Variants in OR7G2 observed in about 807,000 individuals in gnomAD.
OR7G2 encodes the protein olfactory receptor 7G2.
For synonymous variants in OR7G2, 153 were observed against 152.2 expected, an observed-to-expected ratio of 1.01 and a Z score of -0.04; for missense variants, 362 against 384.0, an observed-to-expected ratio of 0.94 and a Z score of 0.48.
In OR7G2 at chr19:9,102,057, G is replaced by A; in HGVS notation, c.*212C>T. The A allele has an allele frequency of 2.1e-6, 1 of 478,548 alleles. No homozygotes were observed. The highest frequency in any genetic ancestry group is 3.7e-6 in the Non-Finnish European group (1 of 273,512). The allele number at this position is 478,548 out of a possible 1,614,324, so 29.6% of individuals were successfully genotyped here. A position where few individuals can be genotyped will look rare whatever the true frequency, so the allele number is the denominator to read the frequency against. ...ATCTCTACTAAAAATACAAAAATTA[G>A]CCAGGCATGGTGGCAGGCGCCTGTA... On this transcript the variant is annotated 3_prime_UTR_variant, in exon 2 of 2. Coordinates refer to ENST00000641081, the MANE Select transcript of OR7G2 (RefSeq NM_001005193.2).
intron 1 of OR7G2, among the ~76,000 whole-genome samples, chr19:9,105,818 G>T (rs1158155464): frequency 6.6e-6 from 1 of 150,916 alleles, no homozygotes; most frequent in Non-Finnish European, 1.5e-5. Context: ...TTGCACTCCA[G>T]CCTGGGTGAC....
intron 1 of OR7G2, among the ~76,000 whole-genome samples, chr19:9,105,751 G>C (rs1447796428): frequency 6.6e-6 from 1 of 152,018 alleles, no homozygotes; most frequent in African/African-American, 2.4e-5. Flanking sequence ...GGAGGCTGAG[G>C]CAGGAGAATC....
At chr19:9,105,046 C>T (rs2050378475) in intron 1 of OR7G2, among the ~76,000 whole-genome samples, 1 of 151,798 alleles carries the variant, frequency 6.6e-6, no homozygotes, top group Non-Finnish European at 1.5e-5. Context: ...TCTCGGCTCC[C>T]TGCAACCTCC....
chr19:9,102,531 A>G lies in OR7G2; in HGVS notation c.713T>C (p.Val238Ala), dbSNP rs1435045182. The G allele has an allele frequency of 1.2e-6, 2 of 1,614,078 alleles. No homozygotes were observed. The highest frequency in any genetic ancestry group is 2.7e-5 in the African/African-American group (2 of 74,934). Residue 238 changes from valine (V) to alanine (A), a missense_variant, in exon 2 of 2, where the codon GTT becomes GCT. Coordinates refer to ENST00000641081, the MANE Select transcript of OR7G2 (RefSeq NM_001005193.2). Reference protein sequence around the residue: ...MPSASGKHKAVSTCGSHLSIV... With the variant: ...MPSASGKHKAASTCGSHLSIV... ...GGAGAGGTGAGACCCACAGGTGGAA[A>G]CTGCTTTGTGCTTTCCACTTGCTGA...
intron 1 of OR7G2, among the ~76,000 whole-genome samples, chr19:9,106,808 G>A (rs760935959): frequency 6.6e-6 from 1 of 150,762 alleles, no homozygotes; most frequent in Non-Finnish European, 1.5e-5. Context: ...CCCTTCCCTA[G>A]GGGAACCAGT....
chr19:9,105,242 A>G (rs1453279308), intron 1 of OR7G2, among the ~76,000 whole-genome samples: 2 of 152,082 alleles, frequency 1.3e-5, no homozygotes, highest in Non-Finnish European at 2.9e-5. Context: ...TGCTGGGATT[A>G]CAGGTGTGAG....
chr19:9,106,848 T>A (rs139185393), intron 1 of OR7G2, among the ~76,000 whole-genome samples: 60 of 152,174 alleles, frequency 3.9e-4, no homozygotes, highest in African/African-American at 1.4e-3. Flanking sequence ...TATTCTTCTA[T>A]ACCTTTCATT....
At position 9,101,256 on chromosome 19, in the gene OR7G2, T is replaced by G. The variant is rs2050352297; in HGVS notation, c.*1013A>C. On this transcript the variant is annotated 3_prime_UTR_variant, in exon 2 of 2. Coordinates refer to ENST00000641081, the MANE Select transcript of OR7G2 (RefSeq NM_001005193.2). ...TTGCAGTTAGCCGAGATTGCGCCATTGCACTCCAGCCTGGTGGACAGAGCA... is the reference window on the plus strand; with the variant it reads ...TTGCAGTTAGCCGAGATTGCGCCATGGCACTCCAGCCTGGTGGACAGAGCA... 6.6e-6 allele frequency: 1 copy of G among 152,114 alleles called. No individual in the cohort carries two copies. The highest frequency in any genetic ancestry group is 1.5e-5 in the Non-Finnish European group (1 of 68,096). 9.4% of individuals were successfully genotyped at this position (152,114 alleles called of 1,614,324 possible). A position where few individuals can be genotyped will look rare whatever the true frequency, so the allele number is the denominator to read the frequency against.
At position 9,102,945 on chromosome 19, in the gene OR7G2, T is replaced by C. The variant is rs142283806; in HGVS notation, c.299A>G (p.Gln100Arg). 1.3e-4 allele frequency: 204 copies of C among 1,614,170 alleles called. 2 individuals carry two copies. In the African/African-American group the frequency reaches 2.4e-3, roughly 19 times the overall value. Residue 100 changes from glutamine to arginine, a missense_variant, in exon 2 of 2, where the codon CAG (glutamine) becomes CGG (arginine). Coordinates refer to ENST00000641081, the MANE Select transcript of OR7G2 (RefSeq NM_001005193.2). ...AGCAAAAAACAAGACAAAGCAGATCTGGGTGAGGCAGCCTGAGTACGTGAT... is the reference window on the plus strand; with the variant it reads ...AGCAAAAAACAAGACAAAGCAGATCCGGGTGAGGCAGCCTGAGTACGTGAT... ...RSITYSGCLTQICFVLFFAGL... is the reference protein window; with the variant it reads ...RSITYSGCLTRICFVLFFAGL...
chr19:9,105,765 T>C (rs944660421), intron 1 of OR7G2, among the ~76,000 whole-genome samples: 1 of 151,908 alleles, frequency 6.6e-6, no homozygotes, highest in South Asian at 2.1e-4. Context: ...GAGAATCTCT[T>C]GAACCCAGGA....
At chr19:9,103,961 C>T (rs1347135017) in intron 1 of OR7G2, among the ~76,000 whole-genome samples, 2 of 151,142 alleles carry the variant, frequency 1.3e-5, no homozygotes, top group Non-Finnish European at 2.9e-5. Context: ...GCTCCACCTC[C>T]CAGGTTCAAG....
Position 9,100,759 on chromosome 19 carries a change from T to C in OR7G2, c.*1510A>G, listed in dbSNP as rs116797524. 1 of 152,192 alleles carries C rather than the reference T, an allele frequency of 6.6e-6. No homozygotes were observed. Among genetic ancestry groups the C allele is most frequent in the African/African-American group, 2.4e-5 (1 of 41,536 alleles). 9.4% of individuals were successfully genotyped at this position (152,192 alleles called of 1,614,324 possible). Reference sequence around the variant, plus strand: ...AAAACTTAGCTCCCTTGACCCACTGTAGGTCTACACTGGGGTGCAATTGAC... The same window carrying C: ...AAAACTTAGCTCCCTTGACCCACTGCAGGTCTACACTGGGGTGCAATTGAC... On this transcript the variant is annotated 3_prime_UTR_variant, in exon 2 of 2. Transcript: ENST00000641081.
intron 1 of OR7G2, 107 bp downstream of exon 1, chr19:9,107,207 A>G (rs1387969452): frequency 6.6e-6 from 1 of 152,140 alleles, no homozygotes; most frequent in Non-Finnish European, 1.5e-5. Flanking sequence ...GTCTCTAAAA[A>G]AACCCCAAAA....
chr19:9,102,466 T>C lies in OR7G2; in HGVS notation c.778A>G (p.Ile260Val). Residue 260 changes from isoleucine to valine, a missense_variant, in exon 2 of 2, where the codon ATT (isoleucine) becomes GTT (valine). Transcript: ENST00000641081. The stretch of plus-strand genomic sequence containing the variant: ...GGTGAGTCAGTAACCACAGAACTAA[T>C]GTACACCCCCAAACCTGCCCCATAG... ...LFYGAGLGVY[I>V]SSVVTDSPRK... 2 of 1,613,932 alleles carry C rather than the reference T, an allele frequency of 1.2e-6. No individual in the cohort carries two copies. Among genetic ancestry groups the C allele is most frequent in the East Asian group, 2.2e-5 (1 of 44,868 alleles).
rs772899891 is a variant in OR7G2 at position 9,102,893 on chromosome 19, T to G, written c.351A>C (p.Ala117=). ...TGGCCACATAGCGGTCATAGGCCATTGCTGCAAGGAGACAATTTTCCAAGC... is the reference window on the plus strand; with the variant it reads ...TGGCCACATAGCGGTCATAGGCCATGGCTGCAAGGAGACAATTTTCCAAGC... ...FAGLENCLLA[A]MAYDRYVAIC... is the part of the protein sequence containing the mutation. The change falls in exon 2 of 2, where the codon GCA becomes GCC. Residue 117 remains alanine (A), a synonymous_variant. Coordinates refer to ENST00000641081, the MANE Select transcript of OR7G2 (RefSeq NM_001005193.2). 9 of 1,613,976 alleles carry G rather than the reference T, an allele frequency of 5.6e-6. No homozygotes were observed. The South Asian group carries it at 7.7e-5, about 14-fold the overall frequency.
intron 1 of OR7G2, among the ~76,000 whole-genome samples, chr19:9,104,424 T>C (rs1397559034): frequency 1.3e-5 from 2 of 152,182 alleles, no homozygotes; most frequent in Non-Finnish European, 2.9e-5. Context: ...CAATTTTCAA[T>C]GTTACCCAAA....
intron 1 of OR7G2, among the ~76,000 whole-genome samples, chr19:9,106,953 C>T (rs917724551): frequency 1.3e-5 from 2 of 151,818 alleles, no homozygotes; most frequent in Admixed American, 6.6e-5. Flanking sequence ...ATCTATAATC[C>T]GGGTCCTTTG....
Position 9,102,401 on chromosome 19 carries a change from G to A in OR7G2, c.843C>T (p.Phe281=), listed in dbSNP as rs2050359149. The change falls in exon 2 of 2, where the codon TTC becomes TTT. Residue 281 remains phenylalanine (F), a synonymous_variant. Coordinates refer to ENST00000641081, the MANE Select transcript of OR7G2 (RefSeq NM_001005193.2). ...TAVASVMYSV[F]PQMVNPFIYS... ...AGATAAAGGGGTTCACCATTTGAGGGAACACAGAATACATCACTGAAGCCA... is the reference window on the plus strand; with the variant it reads ...AGATAAAGGGGTTCACCATTTGAGGAAACACAGAATACATCACTGAAGCCA... 1 of 1,613,872 alleles carries A rather than the reference G, an allele frequency of 6.2e-7. No individual in the cohort carries two copies. The highest frequency in any genetic ancestry group is 8.5e-7 in the Non-Finnish European group (1 of 1,179,798).
chr19:9,102,664 T>A lies in OR7G2; in HGVS notation c.580A>T (p.Ile194Phe). The A allele has an allele frequency of 6.2e-7, 1 of 1,614,140 alleles. No homozygotes were observed. Among genetic ancestry groups the A allele is most frequent in the Non-Finnish European group, 8.5e-7 (1 of 1,180,022 alleles). ...VIQLTCSDTL[I>F]NNILIYFAAC... The stretch of plus-strand genomic sequence containing the variant: ...GCAAAATATATCAGGATGTTATTGA[T>A]GAGGGTGTCTGAACAGGTGAGTTGG... The change falls in exon 2 of 2, where the codon ATC (isoleucine) becomes TTC (phenylalanine). Residue 194 changes from isoleucine to phenylalanine, a missense_variant. Physicochemically the swap from Ile to Phe is conservative, Grantham distance 21. Transcript: ENST00000641081.
Sources: gnomAD v4.1 joint callset for allele counts (sites outside exome capture counted in the v4.1 genomes callset) on GRCh38, gnomAD v4.1.1 for gene constraint, MANE v1.5 for transcripts, NCBI Gene and HGNC (gene_info 2026-07-23, HGNC 2026-07-21) for gene names.